BRD10: variants seen among roughly 807,000 people sequenced by gnomAD.
BRD10 encodes uncharacterized bromodomain-containing protein 10.
the BRD10 span, chr9:5,933,932 A>C: frequency 6.6e-6 from 3 of 451,284 alleles, no homozygotes; most frequent in South Asian, 4.7e-5. Context: ...TAAATGTCTC[A>C]TAACAACAAA....
At chr9:5,921,616 T>G in the BRD10 span, 1 of 1,614,024 alleles carries the variant, frequency 6.2e-7, no homozygotes, top group East Asian at 2.2e-5. Context: ...CATCTCCATT[T>G]GTTGCTGCTG....
the BRD10 span, among the ~76,000 whole-genome samples, chr9:6,002,840 C>G: frequency 6.6e-6 from 1 of 151,984 alleles, no homozygotes; most frequent in African/African-American, 2.4e-5. Context: ...CTACACCTGG[C>G]TAATTTTTTT....
the BRD10 span, chr9:6,007,592 C>T: frequency 9.3e-6 from 15 of 1,607,480 alleles, no homozygotes; most frequent in Non-Finnish European, 1.2e-5. Context: ...CAACCGCCTC[C>T]GATCACCATC....
At chr9:5,932,042 G>A in the BRD10 span, among the ~76,000 whole-genome samples, 3 of 152,104 alleles carry the variant, frequency 2.0e-5, no homozygotes, top group Non-Finnish European at 4.4e-5. Flanking sequence ...TTTCTACTTA[G>A]TAGTGTTCTC....
At chr9:5,885,615 T>C in the BRD10 span, among the ~76,000 whole-genome samples, 25 of 152,244 alleles carry the variant, frequency 1.6e-4, no homozygotes, top group African/African-American at 6.0e-4. Flanking sequence ...TCAGGTGATC[T>C]GCCCACCTCG....
At chr9:5,908,545 G>A in the BRD10 span, 1 of 1,088,152 alleles carries the variant, frequency 9.2e-7, no homozygotes, top group Non-Finnish European at 1.4e-6. Context: ...AGTCCACAGG[G>A]AAAGTATAAA....
At chr9:5,993,802 G>A in the BRD10 span, among the ~76,000 whole-genome samples, 1 of 152,116 alleles carries the variant, frequency 6.6e-6, no homozygotes, top group South Asian at 2.1e-4. Flanking sequence ...CAGCCTTCTG[G>A]GGCACAGAGC....
chr9:5,954,208 G>A, the BRD10 span: 1 of 633,130 alleles, frequency 1.6e-6, no homozygotes, highest in Admixed American at 2.9e-5. Context: ...ATGGCTGCTA[G>A]TGAGTCAAAT....
chr9:5,958,577 C>T, the BRD10 span, among the ~76,000 whole-genome samples: 3 of 151,940 alleles, frequency 2.0e-5, no homozygotes, highest in East Asian at 3.9e-4. Context: ...GCTTGCGCCC[C>T]GGAGTTCGAG....
chr9:5,924,620 C>T, the BRD10 span: 5 of 1,257,026 alleles, frequency 4.0e-6, no homozygotes, highest in Non-Finnish European at 5.3e-6. Flanking sequence ...TCTCTTTGTG[C>T]CTTCAGTGTT....
chr9:5,981,186 TG>T, the BRD10 span, among the ~76,000 whole-genome samples: 1 of 152,194 alleles, frequency 6.6e-6, no homozygotes, highest in Non-Finnish European at 1.5e-5. Flanking sequence ...TGGAGAGACC[TG>T]GGAGGTAATC....
At chr9:5,909,120 T>C in the BRD10 span, 1 of 183,194 alleles carries the variant, frequency 5.5e-6, no homozygotes, top group Non-Finnish European at 1.1e-5. Context: ...GTTCCAGTAC[T>C]ATGGAGTGCT....
chr9:5,985,481 T>A, the BRD10 span, among the ~76,000 whole-genome samples: 1 of 152,182 alleles, frequency 6.6e-6, no homozygotes, highest in African/African-American at 2.4e-5. Flanking sequence ...AGGGCTTATA[T>A]CCAGAATACA....
At chr9:5,880,695 C>A in the BRD10 span, among the ~76,000 whole-genome samples, 3 of 149,724 alleles carry the variant, frequency 2.0e-5, no homozygotes, top group African/African-American at 4.9e-5. Flanking sequence ...CCCTTTCCTC[C>A]AACATTACTT....
chr9:5,891,759 A>C, the BRD10 span, among the ~76,000 whole-genome samples: 1 of 152,258 alleles, frequency 6.6e-6, no homozygotes. Flanking sequence ...AGAGAGAAGC[A>C]GAAATTGACT....
At chr9:5,996,029 A>G in the BRD10 span, among the ~76,000 whole-genome samples, 3 of 152,202 alleles carry the variant, frequency 2.0e-5, no homozygotes, top group African/African-American at 7.2e-5. Flanking sequence ...ACATTTTGAG[A>G]TAACAATTAC....
chr9:5,889,125 C>G, the BRD10 span, among the ~76,000 whole-genome samples: 1 of 152,202 alleles, frequency 6.6e-6, no homozygotes, highest in South Asian at 2.1e-4. Context: ...CTCAGCAAAT[C>G]AATGAGTTGC....
At chr9:5,920,092 G>C in the BRD10 span, 1 of 1,613,950 alleles carries the variant, frequency 6.2e-7, no homozygotes, top group Non-Finnish European at 8.5e-7. Context: ...TCCCAAAAGA[G>C]TTTATAAATT....
the BRD10 span, among the ~76,000 whole-genome samples, chr9:5,904,133 A>T: frequency 6.6e-6 from 1 of 152,140 alleles, no homozygotes; most frequent in Non-Finnish European, 1.5e-5. Flanking sequence ...GCTTGGGATT[A>T]CAGGTGTGAG....
Sources: gnomAD v4.1 joint callset for allele counts (sites outside exome capture counted in the v4.1 genomes callset) on GRCh38, gnomAD v4.1.1 for gene constraint, MANE v1.5 for transcripts, NCBI Gene and HGNC (gene_info 2026-07-23, HGNC 2026-07-21) for gene names.